MORC3: variants seen among roughly 807,000 people sequenced by gnomAD.
The protein encoded by MORC3 is MORC family CW-type zinc finger protein 3.
Under a neutral mutation model 109.1 loss-of-function variants are expected in MORC3, and 31 were observed. The observed-to-expected ratio is 0.28, with a 90% CI of 0.21 to 0.38. The LOEUF is 0.38. Ranked by LOEUF, MORC3 falls within the 10% of genes least tolerant of loss-of-function variation. MORC3 has a pLI of 1.00. For synonymous variants in MORC3, 395 were observed against 380.7 expected, an observed-to-expected ratio of 1.04 and a Z score of -0.44; for missense variants, 867 against 1,135.8, an observed-to-expected ratio of 0.76 and a Z score of 3.40.
intron 9 of MORC3, among the ~76,000 whole-genome samples, chr21:36,352,841 A>G (rs953446418): frequency 1.3e-5 from 2 of 151,968 alleles, no homozygotes; most frequent in Non-Finnish European, 1.5e-5. Flanking sequence ...ATGGTGGCAC[A>G]CATCTGTAGT....
At chr21:36,357,258 GTTCT>G (rs753191611) in intron 10 of MORC3, among the ~76,000 whole-genome samples, 65 of 151,694 alleles carry the variant, frequency 4.3e-4, no homozygotes, top group Non-Finnish European at 1.8e-4. Context: ...ATATCTGTGT[GTTCT>G]TTATCTGTGT....
At chr21:36,371,165 A>G (rs934006986) in intron 15 of MORC3, among the ~76,000 whole-genome samples, 1 of 152,250 alleles carries the variant, frequency 6.6e-6, no homozygotes, top group East Asian at 1.9e-4. Context: ...AATCTATTTT[A>G]TACATTTTTG....
At chr21:36,360,162 C>G (rs777570255) in intron 11 of MORC3, 22 bp from the exon 12 acceptor site, 11 of 1,613,888 alleles carry the variant, frequency 6.8e-6, no homozygotes, top group Non-Finnish European at 9.3e-6. Flanking sequence ...ACATGTTATT[C>G]CTATGTGATT....
chr21:36,362,006 C>T, intron 12 of MORC3, 177 bp from the exon 13 acceptor site: 1 of 708,466 alleles, frequency 1.4e-6, no homozygotes, highest in Non-Finnish European at 2.4e-6. Context: ...AAAATTCAGG[C>T]TAAAATTAGG....
rs778771901 is a variant in MORC3, at chr21:36,341,435, T to C, written c.645T>C (p.Asp215=). The C allele has an allele frequency of 6.2e-7, 1 of 1,611,714 alleles. No homozygotes were observed. Among genetic ancestry groups the C allele is most frequent in the Admixed American group, 1.7e-5 (1 of 59,016 alleles). Reference sequence around the variant, plus strand: ...CAACAGAGTTCGATTTTGAAAAGGATAAATATGATATCAGAATTCCCGAGG... The same window carrying C: ...CAACAGAGTTCGATTTTGAAAAGGACAAATATGATATCAGAATTCCCGAGG... ...KNATEFDFEK[D]KYDIRIPEDL... is the part of the protein sequence containing the mutation. Residue 215 remains aspartate (D), a synonymous_variant, in exon 6 of 17, where the codon GAT becomes GAC. Coordinates refer to ENST00000400485, the MANE Select transcript of MORC3 (RefSeq NM_015358.3).
At chr21:36,354,590 A>C (rs1052855041) in intron 9 of MORC3, among the ~76,000 whole-genome samples, 2 of 152,182 alleles carry the variant, frequency 1.3e-5, no homozygotes, top group Non-Finnish European at 2.9e-5. Context: ...GGCGTGAGCC[A>C]CCGTGCCCAG....
Position 36,320,289 on chromosome 21 carries a change from A to C in MORC3, c.25A>C (p.Ile9Leu). The change falls in exon 1 of 17, where the codon ATA becomes CTA. Residue 9 changes from isoleucine to leucine, a missense_variant. By Grantham distance (5) the Ile-to-Leu change is conservative. Around this residue, in one of 7 missense-constraint regions of MORC3, gnomAD observed 33 missense variants for 18.5 expected, o/e 1.78. Transcript: ENST00000400485. ...GATGGCGGCGCAGCCACCCCGCGGGATACGCCTCAGCGCGGTGAGCAGCCG... is the reference window on the plus strand; with the variant it reads ...GATGGCGGCGCAGCCACCCCGCGGGCTACGCCTCAGCGCGGTGAGCAGCCG... MAAQPPRG[I>L]RLSALCPKFL... The C allele has an allele frequency of 1.3e-6, 2 of 1,567,420 alleles. No homozygotes were observed. Among genetic ancestry groups the C allele is most frequent in the Non-Finnish European group, 1.7e-6 (2 of 1,158,544 alleles).
intron 8 of MORC3, among the ~76,000 whole-genome samples, chr21:36,345,988 C>T (rs574498573): frequency 6.6e-6 from 1 of 152,190 alleles, no homozygotes; most frequent in African/African-American, 2.4e-5. Context: ...ACTACAGGTG[C>T]ATGCCAGCAC....
At chr21:36,364,694 C>G (rs1331742389) in intron 14 of MORC3, among the ~76,000 whole-genome samples, 1 of 151,850 alleles carries the variant, frequency 6.6e-6, no homozygotes, top group African/African-American at 2.4e-5. Context: ...TGATCGCATT[C>G]TCACCTGTTT....
chr21:36,334,770 C>A (rs1160436405), intron 2 of MORC3, among the ~76,000 whole-genome samples: 1 of 152,136 alleles, frequency 6.6e-6, no homozygotes, highest in African/African-American at 2.4e-5. Flanking sequence ...TTTCAATGAA[C>A]GTGAGAAAGC....
chr21:36,347,512 A>T (rs1241919873), intron 8 of MORC3, among the ~76,000 whole-genome samples: 1 of 152,196 alleles, frequency 6.6e-6, no homozygotes, highest in Non-Finnish European at 1.5e-5. Context: ...TTACCAGATG[A>T]TGGACTGGGC....
intron 5 of MORC3, 171 bp downstream of exon 5, chr21:36,339,092 C>A: frequency 1.4e-6 from 1 of 691,102 alleles, no homozygotes; most frequent in Non-Finnish European, 2.2e-6. Context: ...GCCATTTCAG[C>A]TTCAATTTGA....
chr21:36,375,170 C>G lies in MORC3; in HGVS notation c.2694C>G (p.Asn898Lys). The change falls in exon 17 of 17, where the codon AAC (asparagine) becomes AAG (lysine). Residue 898 changes from asparagine to lysine, a missense_variant. Asn to Lys is a moderately conservative substitution (Grantham distance 94). Coordinates refer to ENST00000400485, the MANE Select transcript of MORC3 (RefSeq NM_015358.3). The stretch of plus-strand genomic sequence containing the variant: ...TCAAACTCCGATCTCTTCGAGTTAA[C>G]GTAGGACAACTGCTGGCTATGATTG... ...ESLKLRSLRV[N>K]VGQLLAMIVP... 1.2e-6 allele frequency: 2 copies of G among 1,613,564 alleles called. No homozygotes were observed. Among genetic ancestry groups the G allele is most frequent in the Non-Finnish European group, 8.5e-7 (1 of 1,179,824 alleles).
At chr21:36,342,489 G>T (rs566253842) in intron 6 of MORC3, among the ~76,000 whole-genome samples, 1 of 152,056 alleles carries the variant, frequency 6.6e-6, no homozygotes, top group East Asian at 2.0e-4. Context: ...TGCAGCCTCT[G>T]CCTCCTGGCC....
At chr21:36,366,629 T>G (rs1190335197) in intron 14 of MORC3, among the ~76,000 whole-genome samples, 1 of 152,044 alleles carries the variant, frequency 6.6e-6, no homozygotes, top group Non-Finnish European at 1.5e-5. Context: ...TAATTTATTG[T>G]GTTGTAGTAT....
intron 3 of MORC3, among the ~76,000 whole-genome samples, 198 bp downstream of exon 3, chr21:36,337,204 A>G (rs1037808683): frequency 1.3e-5 from 2 of 152,110 alleles, no homozygotes; most frequent in Non-Finnish European, 2.9e-5. Flanking sequence ...ACCCCACCCT[A>G]CTTCCAACTC....
Position 36,347,777 on chromosome 21 carries a change from A to G in MORC3, c.1006-1534A>G, listed in dbSNP as rs544654338. On this transcript the variant is annotated intron_variant, in intron 8 of 16. Transcript: ENST00000400485. ...TGGAAGGGCTTTCCAGGCAGAGACA[A>G]CATGTGCAAAGGCAGAGAAAGAGGC... 12 of 152,342 alleles carry G rather than the reference A, an allele frequency of 7.9e-5. No individual in the cohort carries two copies. In the East Asian group the frequency reaches 2.3e-3, roughly 29 times the overall value. 9.4% of individuals were successfully genotyped at this position (152,342 alleles called of 1,614,324 possible).
intron 9 of MORC3, among the ~76,000 whole-genome samples, chr21:36,355,914 A>T (rs1268755117): frequency 6.6e-6 from 1 of 152,150 alleles, no homozygotes; most frequent in African/African-American, 2.4e-5. Context: ...GCTTCTTGGG[A>T]AAACAACTGG....
At chr21:36,370,669 T>TCC (rs1569110916) in intron 15 of MORC3, among the ~76,000 whole-genome samples, 2 of 82,514 alleles carry the variant, frequency 2.4e-5, no homozygotes, top group Non-Finnish European at 4.0e-5. Flanking sequence ...TTTTTTTTTT[T>TCC]TTCTTCTTCT....
Sources: allele counts gnomAD v4.1 joint callset (sites outside exome capture counted in the v4.1 genomes callset), GRCh38; gene constraint gnomAD v4.1.1; regional missense constraint gnomAD v4.1.1; transcripts MANE v1.5; gene names NCBI Gene and HGNC (gene_info 2026-07-23, HGNC 2026-07-21).